N4BP2: variants seen among roughly 807,000 people sequenced by gnomAD.
The protein encoded by N4BP2 is NEDD4 binding protein 2.
A neutral mutation model predicts 152.8 loss-of-function variants in N4BP2; 91 were observed. That is an observed-to-expected ratio of 0.60 (90% confidence interval 0.50 to 0.71). The LOEUF is 0.71. N4BP2 is among the 30% of genes least tolerant of loss of function. N4BP2 has a pLI of 0.00. For synonymous variants in N4BP2, 646 were observed against 705.3 expected (o/e 0.92, Z 1.33); for missense variants, 1,923 against 2,059.1 (o/e 0.93, Z 1.28).
intron 4 of N4BP2, among the ~76,000 whole-genome samples, chr4:40,104,341 TG>T (rs1178004996): frequency 2.6e-5 from 4 of 151,944 alleles, no homozygotes; most frequent in Non-Finnish European, 5.9e-5. Flanking sequence ...TGATCCTGGG[TG>T]TATCTAGTCT....
At chr4:40,086,375 T>A (rs1209354540) in intron 2 of N4BP2, among the ~76,000 whole-genome samples, 1 of 151,906 alleles carries the variant, frequency 6.6e-6, no homozygotes, top group Admixed American at 6.6e-5. Context: ...TCTTACCCTG[T>A]CACCCAGGCT....
chr4:40,134,122 A>T (rs1719143624), intron 13 of N4BP2, among the ~76,000 whole-genome samples: 1 of 152,210 alleles, frequency 6.6e-6, no homozygotes, highest in Non-Finnish European at 1.5e-5. Flanking sequence ...TCTGTACTTA[A>T]GAATATTTAT....
the N4BP2 span, among the ~76,000 whole-genome samples, chr4:40,187,027 A>T: frequency 9.2e-5 from 14 of 152,250 alleles, no homozygotes; most frequent in Non-Finnish European, 2.1e-4. Context: ...AGTGAATGAA[A>T]TTCACAATTT....
At chr4:40,134,557 G>A (rs1719182238) in intron 13 of N4BP2, among the ~76,000 whole-genome samples, 2 of 152,148 alleles carry the variant, frequency 1.3e-5, no homozygotes, top group South Asian at 2.1e-4. Context: ...TGTGCTTGAG[G>A]TGTAATCTTC....
chr4:40,089,907 T>TAATATTTCTGTA (rs143365308), intron 2 of N4BP2, among the ~76,000 whole-genome samples: 6 of 152,178 alleles, frequency 3.9e-5, no homozygotes, highest in Non-Finnish European at 8.8e-5. Context: ...CATTGCGAGT[T>TAATATTTCTGTA]AATATTTCTG....
intron 2 of N4BP2, among the ~76,000 whole-genome samples, chr4:40,085,160 C>T (rs1713817031): frequency 6.6e-6 from 1 of 152,080 alleles, no homozygotes; most frequent in Non-Finnish European, 1.5e-5. Context: ...ATCCACTTGC[C>T]TTGGCCTCCC....
At chr4:40,186,794 A>G in the N4BP2 span, among the ~76,000 whole-genome samples, 1 of 152,206 alleles carries the variant, frequency 6.6e-6, no homozygotes. Flanking sequence ...TTCAAGAAGA[A>G]CATGGTTGAC....
the N4BP2 span, among the ~76,000 whole-genome samples, chr4:40,180,307 G>A: frequency 6.6e-6 from 1 of 152,112 alleles, no homozygotes; most frequent in Non-Finnish European, 1.5e-5. Context: ...CAGTAAATAT[G>A]TGAAAAGATG....
At chr4:40,091,203 G>T (rs1454860786) in intron 2 of N4BP2, among the ~76,000 whole-genome samples, 2 of 151,950 alleles carry the variant, frequency 1.3e-5, no homozygotes, top group Non-Finnish European at 2.9e-5. Flanking sequence ...CATGTTATCT[G>T]CAAATAGGGA....
chr4:40,147,871 C>T (rs1172948475), intron 16 of N4BP2, among the ~76,000 whole-genome samples: 8 of 151,314 alleles, frequency 5.3e-5, no homozygotes, highest in East Asian at 2.0e-4. Context: ...CAGGCAGAGG[C>T]GCTCCTCACA....
chr4:40,092,046 A>ATATATG (rs1491152490), intron 2 of N4BP2, among the ~76,000 whole-genome samples: 3 of 97,466 alleles, frequency 3.1e-5, no homozygotes, highest in African/African-American at 3.9e-5. Context: ...ATATATATAT[A>ATATATG]GCTGAATTTT....
In N4BP2 at chr4:40,122,108, G is replaced by C; in HGVS notation, c.3997G>C (p.Glu1333Gln). 6.3e-7 allele frequency: 1 copy of C among 1,586,110 alleles called. No individual in the cohort carries two copies. The highest frequency in any genetic ancestry group is 8.6e-7 in the Non-Finnish European group (1 of 1,163,466). Reference protein sequence around the residue: ...KFSDEEEFMNEDEKEMKEILM... With the variant: ...KFSDEEEFMNQDEKEMKEILM... Reference sequence around the variant, plus strand: ...TTCAGATGAAGAAGAATTTATGAATGAAGATGAGAAGGAAATGAAGGAAAT... The same window carrying C: ...TTCAGATGAAGAAGAATTTATGAATCAAGATGAGAAGGAAATGAAGGAAAT... The change falls in exon 9 of 18, where the codon GAA (glutamate) becomes CAA (glutamine). Residue 1333 changes from glutamate to glutamine, a missense_variant. By Grantham distance (29) the Glu-to-Gln change is conservative (BLOSUM62 2). Coordinates refer to ENST00000261435, the MANE Select transcript of N4BP2 (RefSeq NM_018177.6).
At chr4:40,082,876 A>G (rs2732083) in intron 2 of N4BP2, 7,943 of 153,828 alleles carry the variant, frequency 0.052, 687 homozygotes, top group East Asian at 0.42. Context: ...AATTTTTTGT[A>G]TTTTTAGTAG....
At chr4:40,180,947 C>T in the N4BP2 span, among the ~76,000 whole-genome samples, 6 of 151,982 alleles carry the variant, frequency 3.9e-5, no homozygotes, top group Admixed American at 1.3e-4. Flanking sequence ...GTCGGGAGTC[C>T]GAGACCAGCC....
intron 16 of N4BP2, among the ~76,000 whole-genome samples, chr4:40,152,472 A>G (rs1229790604): frequency 6.6e-6 from 1 of 152,206 alleles, no homozygotes; most frequent in Non-Finnish European, 1.5e-5. Flanking sequence ...TATTATTGCC[A>G]TTATCATTAT....
At chr4:40,075,360 T>C (rs1405980241) in intron 2 of N4BP2, among the ~76,000 whole-genome samples, 1 of 152,204 alleles carries the variant, frequency 6.6e-6, no homozygotes, top group Non-Finnish European at 1.5e-5. Context: ...TTTAACAACA[T>C]GTCTCAGAGG....
chr4:40,178,450 C>T, the N4BP2 span, among the ~76,000 whole-genome samples: 3 of 151,900 alleles, frequency 2.0e-5, no homozygotes, highest in African/African-American at 7.3e-5. Flanking sequence ...AAAGAAAAAC[C>T]TTCATCTTTA....
intron 1 of N4BP2, among the ~76,000 whole-genome samples, chr4:40,066,762 A>G (rs1041552628): frequency 6.6e-6 from 1 of 152,050 alleles, no homozygotes; most frequent in Non-Finnish European, 1.5e-5. Flanking sequence ...TACTATCTTA[A>G]CCACTTTTAA....
the N4BP2 span, among the ~76,000 whole-genome samples, chr4:40,182,231 G>A: frequency 6.6e-6 from 1 of 152,190 alleles, no homozygotes; most frequent in Non-Finnish European, 1.5e-5. Context: ...GCTGATACAA[G>A]AACATGCGCA....
Sources: gnomAD v4.1 joint callset for allele counts (sites outside exome capture counted in the v4.1 genomes callset) on GRCh38, gnomAD v4.1.1 for gene constraint, MANE v1.5 for transcripts, NCBI Gene and HGNC (gene_info 2026-07-23, HGNC 2026-07-21) for gene names.